The following SPRY3 variants were observed in gnomAD, a reference collection of about 807,000 sequenced individuals.
The protein encoded by SPRY3 is protein sprouty homolog 3.
Under a neutral mutation model 20.2 loss-of-function variants are expected in SPRY3, and 15 were observed. The observed-to-expected ratio is 0.74, with a 90% confidence interval of 0.50 to 1.14. SPRY3 has a LOEUF of 1.14. SPRY3 is among the 50% of genes most tolerant of loss of function. The pLI, the probability that SPRY3 is intolerant of heterozygous loss-of-function variation, is 0.00. For missense variants in SPRY3, 364 were observed against 363.9 expected (o/e 1.00, Z 0.00); for synonymous variants, 143 against 136.5 (o/e 1.05, Z -0.33).
chrX:155,621,625 G>A (rs1335877637), intron 1 of SPRY3, among the ~76,000 whole-genome samples: 1 of 111,582 alleles, frequency 9.0e-6, no homozygotes, highest in Admixed American at 9.5e-5. Flanking sequence ...GGGTCTGTAG[G>A]CCAAGTTACC....
intron 2 of SPRY3, among the ~76,000 whole-genome samples, chrX:155,699,581 C>T (rs1250572579): frequency 9.0e-6 from 1 of 111,375 alleles, no homozygotes; most frequent in Non-Finnish European, 1.9e-5. Flanking sequence ...GGATATTTCT[C>T]CTCTACTTCC....
In SPRY3 at chrX:155,679,178, T is replaced by C. The variant is rs140637334; in HGVS notation, c.-282+22153T>C. Among the ~76,000 whole-genome samples the C allele has an allele frequency of 6.9e-3, 770 of 111,243 alleles. 6 individuals are homozygous for C. Among genetic ancestry groups the C allele is most frequent in the African/African-American group, 0.024 (730 of 30,582 alleles). Reference sequence around the variant, plus strand: ...AACCTGCGTGTTCTGCACATGTACCTTAGAACTTAAAGTATAATAAATAAG... The same window carrying C: ...AACCTGCGTGTTCTGCACATGTACCCTAGAACTTAAAGTATAATAAATAAG... On this transcript the variant is annotated intron_variant, in intron 2 of 3. Coordinates refer to ENST00000675360, the Ensembl canonical transcript of SPRY3.
At chrX:155,753,112 T>C (rs2091270452) in intron 2 of SPRY3, among the ~76,000 whole-genome samples, 1 of 151,904 alleles carries the variant, frequency 6.6e-6, no homozygotes, top group South Asian at 2.1e-4. Context: ...ATAATTCACA[T>C]GCAATAAGTC....
intron 1 of SPRY3, among the ~76,000 whole-genome samples, chrX:155,621,695 A>G (rs1369421477): frequency 8.9e-6 from 1 of 111,783 alleles, no homozygotes; most frequent in Non-Finnish European, 1.9e-5. Flanking sequence ...CCCTCATTTC[A>G]GTATGGTCAA....
rs1380085481 is a variant in SPRY3, at chrX:155,759,581, C to T, written c.-281-8381C>T. On this transcript the variant is annotated intron_variant, in intron 2 of 3. Transcript: ENST00000675360. ...GTAACAAATTCATTTATTATTGTAT[C>T]TTAATTTATTACTGTATCACCAGAG... is the stretch of plus-strand genomic sequence containing the variant. Among the ~76,000 whole-genome samples the T allele has an allele frequency of 3.3e-5, 5 of 151,806 alleles. No homozygotes were observed. The East Asian group carries it at 7.7e-4, about 23-fold the overall frequency.
At chrX:155,781,780 T>C (rs1273263265), downstream of SPRY3, 1 of 167,022 alleles carries the variant, frequency 6.0e-6, no homozygotes, top group African/African-American at 2.4e-5. Flanking sequence ...TAAAACAACA[T>C]AATAAAAGTT....
intron 1 of SPRY3, among the ~76,000 whole-genome samples, chrX:155,620,785 C>T (rs1381787979): frequency 1.8e-5 from 2 of 111,594 alleles, no homozygotes; most frequent in African/African-American, 6.5e-5. Context: ...TGTCAAAACT[C>T]GTTGACTTGT....
chrX:155,736,566 TC>T (rs1164169305), intron 2 of SPRY3, among the ~76,000 whole-genome samples: 1 of 152,074 alleles, frequency 6.6e-6, no homozygotes, highest in Non-Finnish European at 1.5e-5. Flanking sequence ...TTACCCTTGT[TC>T]TTCTAACGAT....
At chrX:155,732,495 G>A (rs546534876) in intron 2 of SPRY3, among the ~76,000 whole-genome samples, 1 of 151,922 alleles carries the variant, frequency 6.6e-6, no homozygotes, top group Non-Finnish European at 1.5e-5. Context: ...CAAAAGACAA[G>A]CAATAAGAAA....
intron 2 of SPRY3, among the ~76,000 whole-genome samples, chrX:155,724,647 T>C (rs1313198057): frequency 2.0e-5 from 3 of 152,058 alleles, no homozygotes; most frequent in Admixed American, 1.3e-4. Flanking sequence ...TTTTTGCACA[T>C]TGATTTTTGC....
chrX:155,629,531 A>T (rs1557350255), intron 1 of SPRY3, among the ~76,000 whole-genome samples: 3 of 111,377 alleles, frequency 2.7e-5, no homozygotes, highest in African/African-American at 9.8e-5. Flanking sequence ...CAGTAATGGG[A>T]TCACTGGGTC....
At chrX:155,712,250 T>A (rs1045482316) in intron 2 of SPRY3, among the ~76,000 whole-genome samples, 7 of 151,940 alleles carry the variant, frequency 4.6e-5, no homozygotes, top group Non-Finnish European at 8.8e-5. Flanking sequence ...CTTTGTTGAT[T>A]TTCTGTCTGG....
Position 155,640,093 on chromosome X carries a change from T to C in SPRY3, c.-440-16774T>C, listed in dbSNP as rs142705298. Reference sequence around the variant, plus strand: ...TCACTATCGAGTTGCAGGAGTTTCTTATATACAGTTGACTTTCAGACAACA... The same window carrying C: ...TCACTATCGAGTTGCAGGAGTTTCTCATATACAGTTGACTTTCAGACAACA... On this transcript the variant is annotated intron_variant, in intron 1 of 3. Coordinates refer to ENST00000675360, the Ensembl canonical transcript of SPRY3. 4.9e-3 allele frequency among the ~76,000 whole-genome samples: 546 copies of C among 111,756 alleles called. 2 individuals are homozygous for C. Among genetic ancestry groups the C allele is most frequent in the African/African-American group, 0.016 (502 of 30,778 alleles).
At chrX:155,679,475 T>C (rs1458879932) in intron 2 of SPRY3, among the ~76,000 whole-genome samples, 1 of 108,683 alleles carries the variant, frequency 9.2e-6, no homozygotes, top group East Asian at 3.0e-4. Flanking sequence ...GGGGTGGGAG[T>C]AGCTAGTTCC....
At chrX:155,672,833 A>G (rs1185203002) in intron 2 of SPRY3, among the ~76,000 whole-genome samples, 1 of 103,734 alleles carries the variant, frequency 9.6e-6, no homozygotes, top group African/African-American at 3.6e-5. Context: ...CAACAATGAT[A>G]GACTGGATTA....
chrX:155,688,414 C>G (rs2068094032), intron 2 of SPRY3, among the ~76,000 whole-genome samples: 1 of 111,093 alleles, frequency 9.0e-6, no homozygotes, highest in African/African-American at 3.3e-5. Context: ...AATGGAATTA[C>G]TGGGTCAGAT....
At chrX:155,692,415 GTCTAGC>G (rs1243206204) in intron 2 of SPRY3, among the ~76,000 whole-genome samples, 1 of 111,450 alleles carries the variant, frequency 9.0e-6, no homozygotes, top group African/African-American at 3.3e-5. Context: ...TTTCACCAAT[GTCTAGC>G]TCTCTTGATT....
At chrX:155,696,255 A>T (rs1481723716) in intron 2 of SPRY3, among the ~76,000 whole-genome samples, 2 of 109,258 alleles carry the variant, frequency 1.8e-5, no homozygotes, top group African/African-American at 6.7e-5. Flanking sequence ...ACATATATAT[A>T]CAGAGAGAGA....
intron 2 of SPRY3, among the ~76,000 whole-genome samples, chrX:155,671,319 C>G (rs1271653579): frequency 9.0e-6 from 1 of 110,848 alleles, no homozygotes; most frequent in Non-Finnish European, 1.9e-5. Flanking sequence ...CTGAGTCATT[C>G]TGATCTCAGA....
Sources: allele counts gnomAD v4.1 joint callset (sites outside exome capture counted in the v4.1 genomes callset), GRCh38; gene constraint gnomAD v4.1.1; transcripts MANE v1.5; gene names NCBI Gene and HGNC (gene_info 2026-07-23, HGNC 2026-07-21).